STOX2: variants seen among roughly 807,000 people sequenced by gnomAD.
STOX2 encodes storkhead-box protein 2.
A neutral mutation model predicts 60.9 loss-of-function variants in STOX2; 28 were observed. That is an observed-to-expected ratio of 0.46 (90% CI 0.34 to 0.63). STOX2 has a LOEUF of 0.63. STOX2 is among the 30% of genes least tolerant of loss of function. The pLI, the probability that STOX2 is intolerant of heterozygous loss-of-function variation, is 0.01. For synonymous variants in STOX2, 472 were observed against 463.9 expected, an observed-to-expected ratio of 1.02 and a Z score of -0.22; for missense variants, 1,024 against 1,187.7, an observed-to-expected ratio of 0.86 and a Z score of 2.03.
At position 184,011,257 on chromosome 4, in the gene STOX2, G is replaced by C. The variant is rs780610873; in HGVS notation, c.2419G>C (p.Glu807Gln). 1.9e-6 allele frequency: 3 copies of C among 1,613,530 alleles called. No individual in the cohort carries two copies. Among genetic ancestry groups the C allele is most frequent in the South Asian group, 2.2e-5 (2 of 90,974 alleles). ...EDVGTMQWLL[E>Q]REKERDLQRK... ...CGTAGGCACCATGCAGTGGCTCCTC[G>C]AGCGGGAGAAGGAAAGAGACTTGCA... The change falls in exon 3 of 4, where the codon GAG becomes CAG. Residue 807 changes from glutamate to glutamine, a missense_variant. Glu to Gln is a conservative substitution (Grantham distance 29). Around this residue, in one of 3 missense-constraint regions of STOX2, gnomAD observed 922 missense variants for 1,058.3 expected, o/e 0.87. Transcript: ENST00000308497. The surrounding 1 kb of genome is among the most constrained non-coding windows in gnomAD (Gnocchi z 4.4).
intron 1 of STOX2, among the ~76,000 whole-genome samples, chr4:183,955,538 G>A (rs2111153513): frequency 6.6e-6 from 1 of 152,166 alleles, no homozygotes; most frequent in South Asian, 2.1e-4. Context: ...CCTCTGATCG[G>A]GACTAGTAGC....
chr4:183,911,757 G>A (rs1330157863), intron 1 of STOX2, among the ~76,000 whole-genome samples: 1 of 152,186 alleles, frequency 6.6e-6, no homozygotes, highest in Non-Finnish European at 1.5e-5. Context: ...GGTTGCTTAG[G>A]CTGCATGCAG....
intron 1 of STOX2, among the ~76,000 whole-genome samples, chr4:183,932,114 A>G (rs1742441666): frequency 6.6e-6 from 1 of 152,024 alleles, no homozygotes; most frequent in South Asian, 2.1e-4. Context: ...GTGAGGATGT[A>G]GCCGATGAGT....
In STOX2 at chr4:183,856,073, G is replaced by A. The variant is rs948776344; in HGVS notation, c.364+58018G>A. Among the ~76,000 whole-genome samples the A allele has an allele frequency of 2.2e-4, 34 of 152,248 alleles. No individual in the cohort carries two copies. The highest frequency in any genetic ancestry group is 3.4e-3 in the Middle Eastern group (1 of 294). ...CCTAGGTCTCATTCCTGGCCTGGTG[G>A]TAGCATCTTGCTGCAGGGATGGACC... On this transcript the variant is annotated intron_variant, in intron 1 of 2. Transcript: ENST00000513034. The surrounding 1 kb of genome is among the most constrained non-coding windows in gnomAD (Gnocchi z 4.0).
chr4:183,911,929 T>C (rs932134957), intron 1 of STOX2, among the ~76,000 whole-genome samples: 3 of 152,174 alleles, frequency 2.0e-5, no homozygotes, highest in African/African-American at 7.2e-5. Context: ...ATAGATATAG[T>C]CTACTCCAAA....
chr4:183,918,528 G>A (rs1428448962), intron 1 of STOX2, among the ~76,000 whole-genome samples: 1 of 152,254 alleles, frequency 6.6e-6, no homozygotes, highest in African/African-American at 2.4e-5. Context: ...GTTTGCATAT[G>A]TGGTAAAAAC....
intron 1 of STOX2, among the ~76,000 whole-genome samples, chr4:183,924,896 A>T (rs1222382257): frequency 1.3e-5 from 2 of 151,458 alleles, no homozygotes; most frequent in Admixed American, 1.3e-4. Context: ...ACATGCGTAG[A>T]CCTCCCTTAG....
chr4:184,011,133 G>A lies in STOX2; in HGVS notation c.2295G>A (p.Gly765=). The change falls in exon 3 of 4, where the codon GGG becomes GGA. Residue 765 remains glycine, a synonymous_variant. Coordinates refer to ENST00000308497, the MANE Select transcript of STOX2 (RefSeq NM_020225.3). This position sits in a 1 kb window ranked among gnomAD's most constrained non-coding sequence, Gnocchi z 4.4. The part of the protein sequence containing the change: ...PASQRQQESG[G]NQEASFDYYN... ...CCCAGCGTCAGCAGGAGTCAGGAGG[G>A]AACCAGGAAGCCTCTTTTGACTATT... 6.3e-7 allele frequency: 1 copy of A among 1,576,232 alleles called. No individual in the cohort carries two copies. Among genetic ancestry groups the A allele is most frequent in the South Asian group, 1.2e-5 (1 of 83,936 alleles).
intron 1 of STOX2, among the ~76,000 whole-genome samples, chr4:183,885,314 G>GA (rs1741055641): frequency 6.6e-6 from 1 of 152,140 alleles, no homozygotes; most frequent in Non-Finnish European, 1.5e-5. Flanking sequence ...AAGTGTTTCA[G>GA]AAAAAATATA....
chr4:183,903,579 A>G (rs1319450602), upstream of STOX2, among the ~76,000 whole-genome samples: 1 of 152,238 alleles, frequency 6.6e-6, no homozygotes, highest in Non-Finnish European at 1.5e-5. Context: ...CTAGACAGTC[A>G]GCCATTGTTT....
intron 1 of STOX2, among the ~76,000 whole-genome samples, chr4:183,873,437 ACT>A (rs1740740397): frequency 1.6e-5 from 2 of 128,716 alleles, no homozygotes; most frequent in South Asian, 2.6e-4. Flanking sequence ...CAAGAGCAAA[ACT>A]CTGTCTCAAA....
chr4:183,951,889 A>G (rs988297352), intron 1 of STOX2, among the ~76,000 whole-genome samples: 1 of 152,146 alleles, frequency 6.6e-6, no homozygotes, highest in African/African-American at 2.4e-5. Flanking sequence ...GGTTGCAGTG[A>G]GCCGAGATAG....
At position 183,906,878 on chromosome 4, in the gene STOX2, A is replaced by T; in HGVS notation, c.88A>T (p.Ser30Cys). Residue 30 changes from serine (S) to cysteine (C), a missense_variant, in exon 1 of 4, where the codon AGC becomes TGC. Coordinates refer to ENST00000308497, the MANE Select transcript of STOX2 (RefSeq NM_020225.3). ...DRASDRMRSR[S>C]EKDYRLHKRF... ...GGCCTCGGACCGCATGAGGTCCCGC[A>T]GCGAGAAGGACTACCGCCTGCACAA... The T allele has an allele frequency of 6.4e-7, 1 of 1,551,262 alleles. No individual in the cohort carries two copies. The highest frequency in any genetic ancestry group is 8.7e-7 in the Non-Finnish European group (1 of 1,146,920).
chr4:183,933,703 TTAAGACATTG>T (rs1168497662), intron 1 of STOX2, among the ~76,000 whole-genome samples: 1 of 152,134 alleles, frequency 6.6e-6, no homozygotes, highest in Admixed American at 6.5e-5. Flanking sequence ...CTCAGAAGTA[TTAAGACATTG>T]TAAATTATGC....
chr4:183,932,900 T>C (rs1216871580), intron 1 of STOX2, among the ~76,000 whole-genome samples: 2 of 152,244 alleles, frequency 1.3e-5, no homozygotes, highest in East Asian at 3.8e-4. Flanking sequence ...GAACAATATT[T>C]ATAGCCTCTT....
chr4:183,950,287 C>T (rs762263599), intron 1 of STOX2, among the ~76,000 whole-genome samples: 7 of 152,096 alleles, frequency 4.6e-5, no homozygotes, highest in Admixed American at 3.3e-4. Context: ...CCAAGGATAT[C>T]GGGTAGTGAG....
At chr4:183,899,689 A>G (rs1741421827) in intron 1 of STOX2, among the ~76,000 whole-genome samples, 1 of 152,212 alleles carries the variant, frequency 6.6e-6, no homozygotes, top group Admixed American at 6.5e-5. Context: ...GAGGCTTAGG[A>G]AAAGGAGCTG....
intron 1 of STOX2, among the ~76,000 whole-genome samples, chr4:183,853,181 C>T (rs1400914382): frequency 6.6e-6 from 1 of 152,306 alleles, no homozygotes; most frequent in Admixed American, 6.5e-5. Context: ...GGACTGTTCT[C>T]TTCTATAAAA....
chr4:183,977,698 A>G (rs1288898288), intron 1 of STOX2, among the ~76,000 whole-genome samples: 1 of 152,180 alleles, frequency 6.6e-6, no homozygotes, highest in Non-Finnish European at 1.5e-5. Context: ...TCCTTTGGGT[A>G]GACACCCAGT....
Sources: gnomAD v4.1 joint callset for allele counts (sites outside exome capture counted in the v4.1 genomes callset) on GRCh38, gnomAD v4.1.1 for gene constraint, gnomAD v4.1.1 regional missense constraint, Gnocchi (gnomAD v3.1) non-coding constraint, MANE v1.5 for transcripts, NCBI Gene and HGNC (gene_info 2026-07-23, HGNC 2026-07-21) for gene names.